The following ATE1 variants were observed in gnomAD, a reference collection of about 807,000 sequenced individuals.
ATE1 encodes arginyltransferase 1, also known as arginyl-tRNA--protein transferase 1.
In ATE1, 36 loss-of-function variants were observed where a neutral mutation model predicts 70.5. That is an observed-to-expected ratio of 0.51 (90% CI 0.39 to 0.67). ATE1 has a LOEUF of 0.67. Ranked by LOEUF, ATE1 falls within the 30% of genes least tolerant of loss-of-function variation. The pLI is 0.00. For missense variants in ATE1, 593 were observed against 629.5 expected, an observed-to-expected ratio of 0.94 and a Z score of 0.62; for synonymous variants, 232 against 219.3, an observed-to-expected ratio of 1.06 and a Z score of -0.51.
At chr10:121,870,146 A>C in intron 7 of ATE1, 108 bp from the exon 8 acceptor site, 1 of 1,017,586 alleles carries the variant, frequency 9.8e-7, no homozygotes, top group African/African-American at 1.6e-5. Context: ...AATCCACTTA[A>C]AGTGAACCCA....
intron 11 of ATE1, among the ~76,000 whole-genome samples, chr10:121,778,154 C>T (rs1335856743): frequency 6.6e-6 from 1 of 152,194 alleles, no homozygotes; most frequent in Non-Finnish European, 1.5e-5. Flanking sequence ...TCACGTTTAA[C>T]AGCTAATAAC....
chr10:121,800,325 T>A (rs1946826742), intron 10 of ATE1, among the ~76,000 whole-genome samples: 1 of 152,202 alleles, frequency 6.6e-6, no homozygotes, highest in Non-Finnish European at 1.5e-5. Flanking sequence ...GGCTTTTAAT[T>A]GGAAACATCT....
intron 6 of ATE1, among the ~76,000 whole-genome samples, chr10:121,900,701 T>C (rs1950946819): frequency 6.6e-6 from 1 of 152,192 alleles, no homozygotes; most frequent in Non-Finnish European, 1.5e-5. Flanking sequence ...AAACTGGACA[T>C]GTGTGCCGTG....
rs148181636 is a variant in ATE1 at position 121,743,840 on chromosome 10, G to A, written c.1397C>T (p.Thr466Met). Residue 466 changes from threonine to methionine, a missense_variant, in exon 12 of 12, where the codon ACG (threonine) becomes ATG (methionine). By Grantham distance (81) the Thr-to-Met change is moderately conservative. Transcript: ENST00000224652. ...DPEAVDEDRS[T>M]EPDRLQVFHK... Reference sequence around the variant, plus strand: ...AAACACCTGCAATCGGTCAGGTTCCGTACTGCGATCCTCATCCACTGCAAC... The same window carrying A: ...AAACACCTGCAATCGGTCAGGTTCCATACTGCGATCCTCATCCACTGCAAC... 400 of 1,609,376 alleles carry A rather than the reference G, an allele frequency of 2.5e-4. 2 individuals carry two copies. Among genetic ancestry groups the A allele is most frequent in the Non-Finnish European group, 3.2e-4 (373 of 1,178,512 alleles).
chr10:121,787,107 G>GTT (rs893879383), intron 11 of ATE1, among the ~76,000 whole-genome samples: 1 of 152,126 alleles, frequency 6.6e-6, no homozygotes, highest in Non-Finnish European at 1.5e-5. Context: ...AAAGGATAGG[G>GTT]GGAAAACGTG....
intron 7 of ATE1, among the ~76,000 whole-genome samples, chr10:121,870,932 T>A (rs1949833142): frequency 6.6e-6 from 1 of 152,190 alleles, no homozygotes; most frequent in South Asian, 2.1e-4. Flanking sequence ...ACACTCTTGA[T>A]CTTTCTAAAT....
At chr10:121,821,011 G>A (rs897886899) in intron 10 of ATE1, among the ~76,000 whole-genome samples, 3 of 152,180 alleles carry the variant, frequency 2.0e-5, no homozygotes, top group East Asian at 1.9e-4. Context: ...GCGCAATCTC[G>A]GCTCACTGCA....
intron 11 of ATE1, among the ~76,000 whole-genome samples, chr10:121,787,653 T>C (rs765450932): frequency 2.6e-5 from 4 of 152,192 alleles, no homozygotes; most frequent in Non-Finnish European, 4.4e-5. Flanking sequence ...GCTACTGCCA[T>C]AAGAAATGTA....
In ATE1 at chr10:121,818,037, T is replaced by A. The variant is rs116586884; in HGVS notation, c.1257+18681A>T. Among the ~76,000 whole-genome samples the A allele has an allele frequency of 7.9e-3, 1,205 of 152,008 alleles. 18 individuals are homozygous for A. The highest frequency in any genetic ancestry group is 0.028 in the African/African-American group (1,164 of 41,468). On this transcript the variant is annotated intron_variant, in intron 10 of 11. Coordinates refer to ENST00000224652, the MANE Select transcript of ATE1 (RefSeq NM_001001976.3). ...TGGGCACAGTGGCTTATGCCTATAA[T>A]CCCAGCACCTGAGCTCAGGAATTCA... is the stretch of plus-strand genomic sequence containing the variant.
At chr10:121,859,131 G>A (rs1272327640) in intron 8 of ATE1, among the ~76,000 whole-genome samples, 2 of 152,166 alleles carry the variant, frequency 1.3e-5, no homozygotes, top group Admixed American at 1.3e-4. Flanking sequence ...GGATATGCAA[G>A]AAAATTGTGA....
chr10:121,835,406 T>G (rs534655668), intron 10 of ATE1, among the ~76,000 whole-genome samples: 5 of 147,336 alleles, frequency 3.4e-5, no homozygotes, highest in Non-Finnish European at 7.4e-5. Flanking sequence ...CATCAAAGAT[T>G]TGGAAATATA....
intron 5 of ATE1, among the ~76,000 whole-genome samples, chr10:121,910,391 A>G (rs897699013): frequency 6.6e-6 from 1 of 152,204 alleles, no homozygotes; most frequent in Non-Finnish European, 1.5e-5. Context: ...ATTAAGCCTA[A>G]TTCTTTTATA....
At chr10:121,858,178 T>C (rs1410572329) in intron 8 of ATE1, among the ~76,000 whole-genome samples, 1 of 152,234 alleles carries the variant, frequency 6.6e-6, no homozygotes, top group Non-Finnish European at 1.5e-5. Flanking sequence ...TATTTTCTTT[T>C]GTGTATATAT....
Position 121,770,233 on chromosome 10 carries a change from A to AACACACACACACACACACACAC in ATE1, c.1378+19914_1378+19935dup, listed in dbSNP as rs3036837. Among the ~76,000 whole-genome samples, 9 of 136,826 alleles carry AACACACACACACACACACACAC rather than the reference A, an allele frequency of 6.6e-5. 1 individual carries two copies. Among genetic ancestry groups the AACACACACACACACACACACAC allele is most frequent in the Middle Eastern group, 3.4e-3 (1 of 294 alleles). 89.8% of individuals were successfully genotyped at this position (136,826 alleles called of 152,430 possible). On this transcript the variant is annotated intron_variant, in intron 11 of 11. Coordinates refer to ENST00000224652, the MANE Select transcript of ATE1 (RefSeq NM_001001976.3). Reference sequence around the variant, plus strand: ...CTAAGAATAAGAAAGACAAGAGAGAAACACACACACACACACACACACACA... The same window carrying AACACACACACACACACACACAC: ...CTAAGAATAAGAAAGACAAGAGAGAAACACACACACACACACACACACACACACACACACACACACACACACA...
intron 8 of ATE1, chr10:121,846,809 C>T (rs1226958768): frequency 6.6e-6 from 1 of 151,796 alleles, no homozygotes; most frequent in Non-Finnish European, 1.5e-5. Context: ...TGTCAAAAAC[C>T]AGTTTTAGTA....
chr10:121,764,361 G>A (rs1043904779), intron 11 of ATE1, among the ~76,000 whole-genome samples: 5 of 151,902 alleles, frequency 3.3e-5, no homozygotes, highest in Admixed American at 2.6e-4. Context: ...CAAAGGCTGG[G>A]CACAGTGGCT....
intron 10 of ATE1, among the ~76,000 whole-genome samples, chr10:121,797,156 G>A (rs1267080804): frequency 6.6e-6 from 1 of 152,110 alleles, no homozygotes; most frequent in Non-Finnish European, 1.5e-5. Context: ...TAAAGTCGAC[G>A]AACGTCTTTT....
intron 10 of ATE1, among the ~76,000 whole-genome samples, chr10:121,820,756 A>G (rs1947760722): frequency 6.6e-6 from 1 of 152,212 alleles, no homozygotes; most frequent in African/African-American, 2.4e-5. Context: ...ATCATAATAC[A>G]AATAATTTAA....
At chr10:121,806,518 G>A (rs60444671) in intron 10 of ATE1, among the ~76,000 whole-genome samples, 1 of 152,084 alleles carries the variant, frequency 6.6e-6, no homozygotes, top group Non-Finnish European at 1.5e-5. Context: ...GGATTGAGGG[G>A]GGGAAAGAAT....
Sources: gnomAD v4.1 joint callset for allele counts (sites outside exome capture counted in the v4.1 genomes callset) on GRCh38, gnomAD v4.1.1 for gene constraint, MANE v1.5 for transcripts, NCBI Gene and HGNC (gene_info 2026-07-23, HGNC 2026-07-21) for gene names.